COPB2: variants seen among roughly 807,000 people sequenced by gnomAD.
The protein encoded by COPB2 is coatomer subunit beta'.
COPB2 carries 16 observed loss-of-function variants against 120.8 expected under a neutral mutation model. That is an observed-to-expected ratio of 0.13 (90% CI 0.09 to 0.20). COPB2 has a LOEUF of 0.20. Among genes scored for constraint, COPB2 ranks in the 10% least tolerant of loss-of-function variants. COPB2 has a pLI of 1.00. For synonymous variants in COPB2, 332 were observed against 366.3 expected, an observed-to-expected ratio of 0.91 and a Z score of 1.07; for missense variants, 794 against 1,076.5, an observed-to-expected ratio of 0.74 and a Z score of 3.67.
chr3:139,358,444 C>T (rs920928335), intron 20 of COPB2, 173 bp from the exon 21 acceptor site: 57 of 632,526 alleles, frequency 9.0e-5, no homozygotes, highest in Middle Eastern at 4.3e-4. Context: ...TTTGGGAGGC[C>T]GAAGCAGGTG....
At chr3:139,365,988 C>T (rs575684863) in intron 15 of COPB2, among the ~76,000 whole-genome samples, 1 of 152,122 alleles carries the variant, frequency 6.6e-6, no homozygotes, top group South Asian at 2.1e-4. Flanking sequence ...TCATCTTCTA[C>T]AGAGGGGGAA....
At chr3:139,363,699 T>C (rs909626240) in intron 15 of COPB2, among the ~76,000 whole-genome samples, 21 of 152,184 alleles carry the variant, frequency 1.4e-4, no homozygotes, top group Admixed American at 2.0e-4. Flanking sequence ...ATTTATGGGA[T>C]AGTCAAGATT....
At chr3:139,364,239 G>A (rs1034696284) in intron 15 of COPB2, among the ~76,000 whole-genome samples, 3 of 152,076 alleles carry the variant, frequency 2.0e-5, no homozygotes, top group Non-Finnish European at 2.9e-5. Flanking sequence ...ATGAATGGTA[G>A]GGCTAAAAAC....
At chr3:139,383,759 A>G (rs1941856582) in intron 1 of COPB2, among the ~76,000 whole-genome samples, 1 of 152,190 alleles carries the variant, frequency 6.6e-6, no homozygotes, top group Non-Finnish European at 1.5e-5. Flanking sequence ...TTAAAAATTA[A>G]ACCTGAGACA....
chr3:139,388,410 G>GA, intron 1 of COPB2: 1 of 150,696 alleles, frequency 6.6e-6, no homozygotes, highest in African/African-American at 2.4e-5. Context: ...GATTGTGGGG[G>GA]GGGGTGTCTG....
At chr3:139,378,923 A>AT in intron 4 of COPB2, 124 bp downstream of exon 4, 3 of 994,552 alleles carry the variant, frequency 3.0e-6, no homozygotes, top group Admixed American at 5.7e-5. Context: ...ATGGATCTAA[A>AT]TAGTTTAAAG....
chr3:139,360,835 G>GT (rs1421824179), intron 17 of COPB2, among the ~76,000 whole-genome samples: 1 of 152,194 alleles, frequency 6.6e-6, no homozygotes, highest in Non-Finnish European at 1.5e-5. Context: ...TGAAGAAGGT[G>GT]TTTAACATTT....
Position 139,357,891 on chromosome 3 carries a change from T to C in COPB2, c.2693A>G (p.Asn898Ser), listed in dbSNP as rs752359634. The C allele has an allele frequency of 1.3e-6, 2 of 1,592,924 alleles. No homozygotes were observed. Among genetic ancestry groups the C allele is most frequent in the Non-Finnish European group, 8.6e-7 (1 of 1,163,942 alleles). ...ELEDIDTTDI[N>S]LDEDILDD ...ATCATCCAAAATATCTTCATCCAGA[T>C]TGATATCTGTTGTGTCAATATCTTC... The change falls in exon 22 of 22, where the codon AAT becomes AGT. Residue 898 changes from asparagine (N) to serine (S), a missense_variant. Coordinates refer to ENST00000333188, the MANE Select transcript of COPB2 (RefSeq NM_004766.3).
rs772516072 is a variant in COPB2, at chr3:139,369,508, T to C, written c.1242A>G (p.Ile414Met). The C allele has an allele frequency of 3.1e-6, 5 of 1,612,230 alleles. No homozygotes were observed. The highest frequency in any genetic ancestry group is 8.5e-7 in the Non-Finnish European group (1 of 1,179,060). ...AIRESNSIVK[I>M]FKNFKEKKSF... Reference sequence around the variant, plus strand: ...ATTTTTTTTCCTTAAAGTTCTTAAATATCTTTACAATGCTGTTGCTCTCTC... The same window carrying C: ...ATTTTTTTTCCTTAAAGTTCTTAAACATCTTTACAATGCTGTTGCTCTCTC... The change falls in exon 11 of 22, where the codon ATA (isoleucine) becomes ATG (methionine). Residue 414 changes from isoleucine (I) to methionine (M), a missense_variant. By Grantham distance (10) the Ile-to-Met change is conservative. This residue lies in a region of COPB2 where 610 missense variants were observed against 866.7 expected (regional missense o/e 0.70). Coordinates refer to ENST00000333188, the MANE Select transcript of COPB2 (RefSeq NM_004766.3).
At chr3:139,386,210 AAAATGTTTTC>A (rs1432156192) in intron 1 of COPB2, among the ~76,000 whole-genome samples, 1 of 151,824 alleles carries the variant, frequency 6.6e-6, no homozygotes, top group Non-Finnish European at 1.5e-5. Flanking sequence ...AATCTCCTCA[AAAATGTTTTC>A]ACTGTCATCA....
chr3:139,370,164 T>G (rs1941596807), intron 10 of COPB2, among the ~76,000 whole-genome samples: 1 of 152,230 alleles, frequency 6.6e-6, no homozygotes, highest in Non-Finnish European at 1.5e-5. Context: ...TACATACATT[T>G]GCCCAAATCT....
rs767760275 is a variant in COPB2 at position 139,373,781 on chromosome 3, G to A, written c.779C>T (p.Thr260Ile). Residue 260 changes from threonine to isoleucine, a missense_variant, in exon 8 of 22, where the codon ACC (threonine) becomes ATC (isoleucine). Thr to Ile is a moderately conservative substitution (Grantham distance 89). Around this residue, in one of 3 missense-constraint regions of COPB2, gnomAD observed 610 missense variants for 866.7 expected, o/e 0.70. Coordinates refer to ENST00000333188, the MANE Select transcript of COPB2 (RefSeq NM_004766.3). ...ATTCAGTGTGCTCTCAAGCCGGTAG[G>A]TGCTTGAATGCCAAATACGTACTGT... ...DGTVRIWHSS[T>I]YRLESTLNYG... The A allele has an allele frequency of 1.2e-6, 2 of 1,614,052 alleles. No individual in the cohort carries two copies. The highest frequency in any genetic ancestry group is 1.7e-6 in the Non-Finnish European group (2 of 1,179,972).
chr3:139,373,086 G>T (rs1411617492), intron 9 of COPB2, 127 bp downstream of exon 9: 10 of 892,804 alleles, frequency 1.1e-5, no homozygotes, highest in African/African-American at 1.6e-5. Context: ...TGAGGATTGT[G>T]AGGCCAGGGC....
intron 1 of COPB2, among the ~76,000 whole-genome samples, chr3:139,387,350 T>G (rs1374372789): frequency 6.6e-6 from 1 of 152,192 alleles, no homozygotes; most frequent in Non-Finnish European, 1.5e-5. Flanking sequence ...GTGACTATTT[T>G]GAATAAGACA....
At chr3:139,369,129 G>T in intron 12 of COPB2, 132 bp downstream of exon 12, 2 of 615,294 alleles carry the variant, frequency 3.3e-6, no homozygotes, top group Non-Finnish European at 2.8e-6. Flanking sequence ...TCTAAGTGCT[G>T]TTTTATATTT....
At chr3:139,383,978 A>T (rs918972917) in intron 1 of COPB2, among the ~76,000 whole-genome samples, 1 of 152,180 alleles carries the variant, frequency 6.6e-6, no homozygotes, top group Non-Finnish European at 1.5e-5. Flanking sequence ...TCTGCCTTCA[A>T]TATGTTGTGA....
At chr3:139,379,224 C>A in intron 3 of COPB2, 51 bp from the exon 4 acceptor site, 1 of 1,559,982 alleles carries the variant, frequency 6.4e-7, no homozygotes, top group Non-Finnish European at 8.7e-7. Context: ...GTAAATTATA[C>A]AAAAAAACTA....
chr3:139,379,783 T>C (rs1941775324), intron 2 of COPB2: 2 of 268,042 alleles, frequency 7.5e-6, no homozygotes, highest in South Asian at 1.1e-4. Flanking sequence ...TCTGCTCTTG[T>C]TGTCTCTGAC....
Position 139,379,405 on chromosome 3 carries a change from C to G in COPB2, c.203G>C (p.Arg68Thr). 6.2e-7 allele frequency: 1 copy of G among 1,614,144 alleles called. No homozygotes were observed. Among genetic ancestry groups the G allele is most frequent in the East Asian group, 2.2e-5 (1 of 44,860 alleles). Residue 68 changes from arginine to threonine, a missense_variant, in exon 3 of 22, where the codon AGG becomes ACG. Arg to Thr is a moderately conservative substitution (Grantham distance 71). This residue lies in a region of COPB2 where 610 missense variants were observed against 866.7 expected (regional missense o/e 0.70). Coordinates refer to ENST00000333188, the MANE Select transcript of COPB2 (RefSeq NM_004766.3). Reference protein sequence around the residue: ...LPVRAAKFVARKNWVVTGADD... With the variant: ...LPVRAAKFVATKNWVVTGADD... ...CGCTCCTGTCACAACCCAATTCTTC[C>G]TTGCAACAAACTTTGCAGCTCGAAC... is the stretch of plus-strand genomic sequence containing the variant.
Sources: allele counts gnomAD v4.1 joint callset (sites outside exome capture counted in the v4.1 genomes callset), GRCh38; gene constraint gnomAD v4.1.1; regional missense constraint gnomAD v4.1.1; transcripts MANE v1.5; gene names NCBI Gene and HGNC (gene_info 2026-07-23, HGNC 2026-07-21).